SLC9A8: variants seen among roughly 807,000 people sequenced by gnomAD.
SLC9A8 encodes the protein solute carrier family 9 member A8.
Under a neutral mutation model 66.6 loss-of-function variants are expected in SLC9A8, and 48 were observed. That is an observed-to-expected ratio of 0.72 (90% CI 0.57 to 0.92). The LOEUF is 0.92. Among genes scored for constraint, SLC9A8 ranks in the 40% least tolerant of loss-of-function variants. The probability of loss-of-function intolerance (pLI) is 0.00; values close to 1 mark genes in which losing one functional copy is unlikely to be tolerated. For missense variants in SLC9A8, 599 were observed against 747.3 expected, an observed-to-expected ratio of 0.80 and a Z score of 2.31; for synonymous variants, 274 against 282.6, an observed-to-expected ratio of 0.97 and a Z score of 0.31.
At chr20:49,831,243 G>A (rs1299067773) in intron 3 of SLC9A8, among the ~76,000 whole-genome samples, 1 of 152,134 alleles carries the variant, frequency 6.6e-6, no homozygotes, top group African/African-American at 2.4e-5. Context: ...GCACACAGCA[G>A]CACCCTTCCT....
intron 4 of SLC9A8, among the ~76,000 whole-genome samples, chr20:49,839,805 T>G (rs541842260): frequency 1.4e-4 from 21 of 152,328 alleles, no homozygotes; most frequent in Non-Finnish European, 3.1e-4. Flanking sequence ...CAAGTGAACA[T>G]GGGCGCCAAT....
chr20:49,828,143 C>T (rs1271142486), intron 3 of SLC9A8, among the ~76,000 whole-genome samples: 2 of 146,750 alleles, frequency 1.4e-5, no homozygotes, highest in Non-Finnish European at 3.0e-5. Context: ...TGCAATGGCA[C>T]GATCTCGGCT....
intron 2 of SLC9A8, among the ~76,000 whole-genome samples, chr20:49,817,067 C>T (rs1382615014): frequency 1.3e-5 from 2 of 151,350 alleles, no homozygotes; most frequent in Non-Finnish European, 2.9e-5. Flanking sequence ...GTGGCTCACA[C>T]CTATAATCCC....
intron 2 of SLC9A8, among the ~76,000 whole-genome samples, chr20:49,817,454 G>GTTT (rs76109874): frequency 7.6e-6 from 1 of 132,202 alleles, no homozygotes; most frequent in Non-Finnish European, 1.6e-5. Context: ...AGGTGCAACT[G>GTTT]TTTTTTTTTT....
At chr20:49,865,067 C>A (rs745508921) in intron 10 of SLC9A8, among the ~76,000 whole-genome samples, 3 of 152,218 alleles carry the variant, frequency 2.0e-5, no homozygotes, top group Non-Finnish European at 2.9e-5. Flanking sequence ...GTCACATTTT[C>A]TCTTAACCCG....
chr20:49,876,810 G>T (rs889565799), intron 11 of SLC9A8, among the ~76,000 whole-genome samples: 1 of 152,090 alleles, frequency 6.6e-6, no homozygotes, highest in African/African-American at 2.4e-5. Flanking sequence ...CACTAGATCT[G>T]AATGTCTTCT....
chr20:49,839,316 C>A (rs949148536), intron 3 of SLC9A8, among the ~76,000 whole-genome samples: 4 of 152,152 alleles, frequency 2.6e-5, no homozygotes, highest in Non-Finnish European at 5.9e-5. Context: ...TTTCCTCCCC[C>A]ACAGCCTGAC....
chr20:49,860,066 C>T (rs906416578), intron 8 of SLC9A8, among the ~76,000 whole-genome samples: 10 of 152,144 alleles, frequency 6.6e-5, no homozygotes, highest in Non-Finnish European at 1.5e-4. Flanking sequence ...GCCTGGGTAC[C>T]TGCTGTGGTA....
intron 7 of SLC9A8, among the ~76,000 whole-genome samples, chr20:49,854,882 G>A (rs542022634): frequency 2.0e-5 from 3 of 152,292 alleles, no homozygotes; most frequent in Non-Finnish European, 4.4e-5. Flanking sequence ...AGATCTTCAC[G>A]GGGACTGTCA....
In SLC9A8 at chr20:49,884,271, CACG is replaced by C. The variant is rs1408790336; in HGVS notation, c.1491+208_1491+210del. The C allele has an allele frequency of 8.1e-4, 235 of 290,748 alleles. 4 individuals carry two copies. The highest frequency in any genetic ancestry group is 2.8e-3 in the East Asian group (41 of 14,852). 18.0% of individuals were successfully genotyped at this position (290,748 alleles called of 1,614,324 possible). ...CACACACACACACGACACACACACACACGACACACACACACACGACACACACAC... is the reference window on the plus strand; with the variant it reads ...CACACACACACACGACACACACACACACACACACACACACGACACACACAC... On this transcript the variant is annotated intron_variant, in intron 14 of 15. Transcript: ENST00000361573.
intron 6 of SLC9A8, 25 bp from the exon 7 acceptor site, chr20:49,850,785 T>C (rs992916265): frequency 1.9e-6 from 3 of 1,610,876 alleles, no homozygotes; most frequent in Non-Finnish European, 2.5e-6. Context: ...TGTGTGTCTG[T>C]GTGTTTGTGT....
chr20:49,888,169 G>C lies in SLC9A8; in HGVS notation c.*233G>C, dbSNP rs546633614. 2.2e-6 allele frequency: 1 copy of C among 446,584 alleles called. No homozygotes were observed. The highest frequency in any genetic ancestry group is 2.1e-5 in the South Asian group (1 of 47,132). 27.7% of individuals were successfully genotyped at this position (446,584 alleles called of 1,614,324 possible). On this transcript the variant is annotated 3_prime_UTR_variant, in exon 16 of 16. Coordinates refer to ENST00000361573, the MANE Select transcript of SLC9A8 (RefSeq NM_015266.3). ...CCGACTCCTCCCTGAGCCAGCCTCC[G>C]CTCAGTGTGGCTCCTCAGCCCACAG...
rs1413295070 is a variant in SLC9A8 at position 49,892,204 on chromosome 20, A to G, written c.*4268A>G. On this transcript the variant is annotated 3_prime_UTR_variant, in exon 16 of 16. Transcript: ENST00000361573. The stretch of plus-strand genomic sequence containing the variant: ...GATGTATGAACAGTCGTGTCACTGG[A>G]TGCCTATTTAGAAATAAAGTGTATG... 6.6e-6 allele frequency: 1 copy of G among 152,204 alleles called. No individual in the cohort carries two copies. Among genetic ancestry groups the G allele is most frequent in the Non-Finnish European group, 1.5e-5 (1 of 68,048 alleles). The allele number at this position is 152,204 out of a possible 1,614,324, so 9.4% of individuals were successfully genotyped here.
chr20:49,833,314 T>A (rs1012057962), intron 3 of SLC9A8, among the ~76,000 whole-genome samples: 1 of 152,174 alleles, frequency 6.6e-6, no homozygotes, highest in African/African-American at 2.4e-5. Flanking sequence ...TAATTAAAGT[T>A]GTGAATTTTT....
chr20:49,845,305 G>A (rs1336750371), intron 5 of SLC9A8, among the ~76,000 whole-genome samples, 186 bp downstream of exon 5: 1 of 152,234 alleles, frequency 6.6e-6, no homozygotes, highest in African/African-American at 2.4e-5. Context: ...ATGATGAATT[G>A]GCTGCTTTAA....
In SLC9A8 at chr20:49,864,767, C is replaced by T. The variant is rs138829825; in HGVS notation, c.881C>T (p.Thr294Met). ...CTGAAGCATATTGACTTGAGGAAAA[C>T]GCCTTCCTTGGAGTTTGGCATGATG... is the stretch of plus-strand genomic sequence containing the variant. ...LVLKHIDLRKTPSLEFGMMII... is the reference protein window; with the variant it reads ...LVLKHIDLRKMPSLEFGMMII... The change falls in exon 10 of 16, where the codon ACG becomes ATG. Residue 294 changes from threonine to methionine, a missense_variant. Around this residue, in one of 2 missense-constraint regions of SLC9A8, gnomAD observed 467 missense variants for 626.5 expected, o/e 0.75. Transcript: ENST00000361573. The T allele has an allele frequency of 5.9e-5, 95 of 1,614,072 alleles. No homozygotes were observed. Among genetic ancestry groups the T allele is most frequent in the Admixed American group, 3.7e-4 (22 of 60,018 alleles).
chr20:49,825,716 A>G (rs991909537), intron 3 of SLC9A8, among the ~76,000 whole-genome samples: 2 of 152,186 alleles, frequency 1.3e-5, no homozygotes, highest in African/African-American at 4.8e-5. Flanking sequence ...GCAAAACTAC[A>G]GGTAGTATTA....
chr20:49,833,775 C>G (rs73123868), intron 3 of SLC9A8, among the ~76,000 whole-genome samples: 1 of 152,030 alleles, frequency 6.6e-6, no homozygotes, highest in Non-Finnish European at 1.5e-5. Flanking sequence ...AGTGACAAAT[C>G]CTGAAAGAAG....
At chr20:49,841,152 A>G (rs2087742209) in intron 4 of SLC9A8, among the ~76,000 whole-genome samples, 1 of 152,032 alleles carries the variant, frequency 6.6e-6, no homozygotes, top group Non-Finnish European at 1.5e-5. Flanking sequence ...TAAAAATACG[A>G]AAAAGTAGCT....
Sources: gnomAD v4.1 joint callset for allele counts (sites outside exome capture counted in the v4.1 genomes callset) on GRCh38, gnomAD v4.1.1 for gene constraint, gnomAD v4.1.1 regional missense constraint, MANE v1.5 for transcripts, NCBI Gene and HGNC (gene_info 2026-07-23, HGNC 2026-07-21) for gene names.